Variants in EPS15L1 observed in about 807,000 individuals in gnomAD.
EPS15L1 encodes the protein epidermal growth factor receptor pathway substrate 15 like 1.
In EPS15L1, 43 loss-of-function variants were observed where a neutral mutation model predicts 117.1. That is an observed-to-expected ratio of 0.37 (90% confidence interval 0.29 to 0.47). The LOEUF (loss-of-function observed/expected upper bound fraction) is 0.47, where lower values mean the gene tolerates loss of function less well. Among genes scored for constraint, EPS15L1 ranks in the 20% least tolerant of loss-of-function variants. The pLI, the probability that EPS15L1 is intolerant of heterozygous loss-of-function variation, is 0.99. For synonymous variants in EPS15L1, 459 were observed against 470.5 expected, an observed-to-expected ratio of 0.98 and a Z score of 0.32; for missense variants, 981 against 1,164.0, an observed-to-expected ratio of 0.84 and a Z score of 2.29.
At chr19:16,460,075 G>C (rs1172772018) in intron 1 of EPS15L1, among the ~76,000 whole-genome samples, 1 of 152,150 alleles carries the variant, frequency 6.6e-6, no homozygotes, top group African/African-American at 2.4e-5. Flanking sequence ...AGGAATTCAA[G>C]ACCAGCCTGG....
At chr19:16,447,760 C>G (rs1244923316) in intron 1 of EPS15L1, among the ~76,000 whole-genome samples, 4 of 144,736 alleles carry the variant, frequency 2.8e-5, no homozygotes, top group Non-Finnish European at 6.0e-5. Context: ...ACTTCATCTT[C>G]GGAAAAAAAA....
intron 13 of EPS15L1, among the ~76,000 whole-genome samples, chr19:16,411,319 G>C (rs1004497562): frequency 2.8e-4 from 42 of 152,174 alleles, no homozygotes; most frequent in African/African-American, 8.2e-4. Flanking sequence ...GGAAGTAACT[G>C]CTTAATGGGG....
intron 6 of EPS15L1, chr19:16,434,745 G>GTC (rs1392270365): frequency 2.7e-6 from 1 of 372,484 alleles, no homozygotes; most frequent in East Asian, 5.3e-5. Context: ...CCCGGGTCTT[G>GTC]TCCTTCGTCC....
At chr19:16,464,876 C>G (rs752544779) in intron 1 of EPS15L1, among the ~76,000 whole-genome samples, 1 of 151,270 alleles carries the variant, frequency 6.6e-6, no homozygotes, top group Non-Finnish European at 1.5e-5. Flanking sequence ...AAGGTCAGAT[C>G]GAGACCATCC....
At chr19:16,373,388 G>A (rs1177641880) in intron 22 of EPS15L1, among the ~76,000 whole-genome samples, 2 of 151,988 alleles carry the variant, frequency 1.3e-5, no homozygotes, top group Non-Finnish European at 2.9e-5. Context: ...AAAGCCTGGG[G>A]TAGCAAGAAA....
intron 22 of EPS15L1, among the ~76,000 whole-genome samples, chr19:16,368,679 A>AC (rs1197821553): frequency 6.6e-6 from 1 of 151,464 alleles, no homozygotes; most frequent in Non-Finnish European, 1.5e-5. Flanking sequence ...ATCTCACAAA[A>AC]CCATCATTCA....
chr19:16,360,064 GTT>G (rs71885683), intron 23 of EPS15L1, among the ~76,000 whole-genome samples: 58 of 139,494 alleles, frequency 4.2e-4, no homozygotes, highest in East Asian at 1.5e-3. Context: ...AACCTTGGGT[GTT>G]TTTTTTTTTT....
intron 3 of EPS15L1, 186 bp downstream of exon 3, chr19:16,441,706 G>A: frequency 2.2e-6 from 1 of 452,612 alleles, no homozygotes; most frequent in Non-Finnish European, 4.0e-6. Flanking sequence ...TGCTACCAAA[G>A]TAGTGGTGGG....
Position 16,471,901 on chromosome 19 carries a change from C to A in EPS15L1, c.33+12G>T. 7.7e-7 allele frequency: 1 copy of A among 1,306,128 alleles called. No homozygotes were observed. Among genetic ancestry groups the A allele is most frequent in the Non-Finnish European group, 9.7e-7 (1 of 1,027,652 alleles). The allele number at this position is 1,306,128 out of a possible 1,614,324, so 80.9% of individuals were successfully genotyped here. On this transcript the variant is annotated intron_variant, in intron 1 of 23. Coordinates refer to ENST00000455140, the MANE Select transcript of EPS15L1 (RefSeq NM_001258374.3). This position sits in a 1 kb window ranked among gnomAD's most constrained non-coding sequence, Gnocchi z 4.8. The stretch of plus-strand genomic sequence containing the variant: ...CACCCCGGCGCCGCCCCCAGGCCCG[C>A]CCGGCCCGTACCTGCTGGGAGAGGG...
intron 19 of EPS15L1, among the ~76,000 whole-genome samples, chr19:16,387,715 G>A (rs1220109542): frequency 1.3e-5 from 2 of 152,154 alleles, no homozygotes. Flanking sequence ...GCAGTGAGCT[G>A]AGATCATGCC....
rs2073087200 is a variant in EPS15L1 at position 16,413,845 on chromosome 19, T to C, written c.1194A>G (p.Arg398=). The part of the protein sequence containing the change: ...DISQEIAQLQ[R]EKYSLEQDIR... ...TGTCTTGTTCCAGTGAATATTTCTCTCTGAATGTTTAAAAATATTTCATGA... is the reference window on the plus strand; with the variant it reads ...TGTCTTGTTCCAGTGAATATTTCTCCCTGAATGTTTAAAAATATTTCATGA... Residue 398 remains arginine, a splice_region_variant and synonymous_variant, in exon 13 of 24, where the codon AGA becomes AGG. Transcript: ENST00000455140. 1 of 1,609,712 alleles carries C rather than the reference T, an allele frequency of 6.2e-7. No homozygotes were observed. The highest frequency in any genetic ancestry group is 1.3e-5 in the African/African-American group (1 of 74,956).
At chr19:16,428,419 G>A (rs2092895288) in intron 8 of EPS15L1, among the ~76,000 whole-genome samples, 1 of 119,502 alleles carries the variant, frequency 8.4e-6, no homozygotes, top group Non-Finnish European at 1.7e-5. Flanking sequence ...AGGGAGGGAA[G>A]GAAGGAAGGA....
chr19:16,406,328 G>A (rs753535402), intron 13 of EPS15L1, among the ~76,000 whole-genome samples: 12 of 152,162 alleles, frequency 7.9e-5, no homozygotes, highest in Admixed American at 1.3e-4. Context: ...GGACATGTTC[G>A]ACAGGAAACT....
chr19:16,418,142 G>C, intron 10 of EPS15L1, 38 bp from the exon 11 acceptor site: 1 of 1,584,120 alleles, frequency 6.3e-7, no homozygotes, highest in East Asian at 2.2e-5. Context: ...CACATCACAG[G>C]CGCCGACTCA....
intron 1 of EPS15L1, among the ~76,000 whole-genome samples, chr19:16,452,008 G>A (rs1340254248): frequency 1.3e-4 from 20 of 151,298 alleles, no homozygotes; most frequent in Admixed American, 6.6e-4. Flanking sequence ...GTGCGGTGGC[G>A]TGCACCTGTA....
chr19:16,387,211 C>T (rs1277010169), intron 19 of EPS15L1, among the ~76,000 whole-genome samples: 2 of 152,204 alleles, frequency 1.3e-5, no homozygotes, highest in Admixed American at 1.3e-4. Context: ...AGTGTATCTA[C>T]AATAAAAACT....
At chr19:16,401,555 C>T in intron 16 of EPS15L1, 1 of 985,714 alleles carries the variant, frequency 1.0e-6, no homozygotes, top group Non-Finnish European at 1.2e-6. Context: ...GCTCCCGGAA[C>T]AGCACCAAGA....
At chr19:16,422,336 C>T (rs544896471) in intron 9 of EPS15L1, among the ~76,000 whole-genome samples, 1 of 152,202 alleles carries the variant, frequency 6.6e-6, no homozygotes, top group Non-Finnish European at 1.5e-5. Context: ...CCTGCATTAC[C>T]GCGGGCCTTC....
intron 19 of EPS15L1, among the ~76,000 whole-genome samples, chr19:16,390,003 A>G (rs1173375259): frequency 6.6e-6 from 1 of 152,228 alleles, no homozygotes; most frequent in Non-Finnish European, 1.5e-5. Context: ...AAATAATAAA[A>G]TAGTAGACTT....
Sources: gnomAD v4.1 joint callset for allele counts (sites outside exome capture counted in the v4.1 genomes callset) on GRCh38, gnomAD v4.1.1 for gene constraint, Gnocchi (gnomAD v3.1) non-coding constraint, MANE v1.5 for transcripts, NCBI Gene and HGNC (gene_info 2026-07-23, HGNC 2026-07-21) for gene names.